ZNF469: variants seen among roughly 807,000 people sequenced by gnomAD.
ZNF469 encodes the protein zinc finger protein 469.
In ZNF469, 1 loss-of-function variant was observed where a neutral mutation model predicts 1.0. That is an observed-to-expected ratio of 1.00 (90% CI 0.35 to 4.73). ZNF469 has a LOEUF of 4.73. Ranked by LOEUF, ZNF469 falls within the 30% of genes most tolerant of loss-of-function variation. ZNF469 has a pLI of 0.16. For missense variants in ZNF469, 6,100 were observed against 5,356.3 expected, an observed-to-expected ratio of 1.14 and a Z score of -4.33; for synonymous variants, 2,703 against 2,363.4, an observed-to-expected ratio of 1.14 and a Z score of -4.17.
At chr16:88,226,565 C>T in the ZNF469 span, among the ~76,000 whole-genome samples, 2 of 152,138 alleles carry the variant, frequency 1.3e-5, no homozygotes, top group African/African-American at 4.8e-5. Context: ...TTGCAGCACC[C>T]TAGTCTGTGG....
the ZNF469 span, among the ~76,000 whole-genome samples, chr16:88,188,764 TC>T: frequency 2.0e-5 from 3 of 151,770 alleles, no homozygotes; most frequent in African/African-American, 7.3e-5. Flanking sequence ...ATGCAGACCC[TC>T]CCCCTGCCCA....
At chr16:88,230,715 T>C in the ZNF469 span, among the ~76,000 whole-genome samples, 6 of 59,180 alleles carry the variant, frequency 1.0e-4, no homozygotes, top group South Asian at 4.1e-3. Flanking sequence ...AACTGGGCTC[T>C]GAGCCTCCGG....
intron 1 of ZNF469, among the ~76,000 whole-genome samples, chr16:88,405,185 A>T (rs1418692688): frequency 1.3e-5 from 2 of 152,126 alleles, no homozygotes; most frequent in Non-Finnish European, 2.9e-5. Flanking sequence ...CAGCCACAGG[A>T]TGGGCCAGGG....
chr16:88,302,625 G>A, the ZNF469 span: 3 of 152,264 alleles, frequency 2.0e-5, no homozygotes, highest in Non-Finnish European at 4.4e-5. Flanking sequence ...TACAGAAGGC[G>A]CTCCACAGAT....
the ZNF469 span, among the ~76,000 whole-genome samples, chr16:88,368,825 AGT>A: frequency 5.9e-5 from 9 of 152,188 alleles, no homozygotes; most frequent in African/African-American, 9.7e-5. Flanking sequence ...GGCCAGGCAC[AGT>A]GGCTCATGCC....
the ZNF469 span, among the ~76,000 whole-genome samples, chr16:88,376,528 C>G: frequency 6.6e-6 from 1 of 152,238 alleles, no homozygotes; most frequent in Non-Finnish European, 1.5e-5. Flanking sequence ...CGCCCGTGAA[C>G]GGGCCCATTC....
chr16:88,177,028 C>T, the ZNF469 span, among the ~76,000 whole-genome samples: 2 of 152,200 alleles, frequency 1.3e-5, no homozygotes, highest in African/African-American at 4.8e-5. This position sits in a 1 kb window ranked among gnomAD's most constrained non-coding sequence, Gnocchi z 4.8. Flanking sequence ...AACCTCGAGG[C>T]AAAGGAGAAG....
At chr16:88,174,650 C>A in the ZNF469 span, among the ~76,000 whole-genome samples, 1 of 148,532 alleles carries the variant, frequency 6.7e-6, no homozygotes, top group Non-Finnish European at 1.5e-5. Flanking sequence ...CTCAGCCTAC[C>A]CAATGTGAAG....
the ZNF469 span, among the ~76,000 whole-genome samples, chr16:88,227,535 C>G: frequency 2.1e-5 from 3 of 144,552 alleles, no homozygotes; most frequent in Admixed American, 1.3e-4. Flanking sequence ...TCCCCATCTC[C>G]CCGTCTCCCC....
At chr16:88,335,423 G>A in the ZNF469 span, among the ~76,000 whole-genome samples, 1 of 152,244 alleles carries the variant, frequency 6.6e-6, no homozygotes, top group African/African-American at 2.4e-5. Context: ...TTCCAGGGCG[G>A]CCTTACTTCT....
the ZNF469 span, among the ~76,000 whole-genome samples, chr16:88,130,539 C>A: frequency 6.6e-6 from 1 of 152,096 alleles, no homozygotes; most frequent in African/African-American, 2.4e-5. Flanking sequence ...AACCCCGTCT[C>A]TACTAACGAT....
chr16:88,431,160 T>G lies in ZNF469; in HGVS notation c.3690T>G (p.Thr1230=), dbSNP rs1240787286. Residue 1230 remains threonine (T), a synonymous_variant, in exon 3 of 3, where the codon ACT becomes ACG. Coordinates refer to ENST00000565624, the MANE Select transcript of ZNF469 (RefSeq NM_001367624.2). ...CCCAGGAGGCCAAGGAGCCTGAAAC[T>G]GCCGAAGAGTCAGCCCCGGACAGCA... ...DFPQEAKEPE[T]AEESAPDSTE... is the part of the protein sequence containing the mutation. 1 of 1,549,778 alleles carries G rather than the reference T, an allele frequency of 6.5e-7. No homozygotes were observed. Among genetic ancestry groups the G allele is most frequent in the South Asian group, 1.2e-5 (1 of 84,056 alleles).
the ZNF469 span, among the ~76,000 whole-genome samples, chr16:88,223,103 C>T: frequency 6.6e-6 from 1 of 152,186 alleles, no homozygotes; most frequent in Non-Finnish European, 1.5e-5. Context: ...ACCCAGGTGT[C>T]CCCTAATAGG....
intron 1 of ZNF469, among the ~76,000 whole-genome samples, chr16:88,409,678 G>A (rs760241394): frequency 1.3e-5 from 2 of 152,188 alleles, no homozygotes; most frequent in African/African-American, 2.4e-5. Context: ...GAATGGAGAC[G>A]AAAAATGCAT....
rs557569932 is a variant in ZNF469, at chr16:88,431,220, C to T, written c.3750C>T (p.Ala1250=). 6.4e-7 allele frequency: 1 copy of T among 1,550,396 alleles called. No homozygotes were observed. Among genetic ancestry groups the T allele is most frequent in the South Asian group, 1.2e-5 (1 of 84,066 alleles). The change falls in exon 3 of 3, where the codon GCC becomes GCT. Residue 1250 remains alanine, a synonymous_variant. Coordinates refer to ENST00000565624, the MANE Select transcript of ZNF469 (RefSeq NM_001367624.2). ...EFTEALRSPP[A]ACAGEMGASP... is the part of the protein sequence containing the mutation. ...CAGAGGCTTTGCGTTCTCCTCCAGC[C>T]GCCTGTGCGGGAGAAATGGGAGCAA...
the ZNF469 span, among the ~76,000 whole-genome samples, chr16:88,284,211 G>A: frequency 1.3e-5 from 2 of 152,122 alleles, no homozygotes; most frequent in Non-Finnish European, 2.9e-5. Context: ...TAGACCCTGA[G>A]TGCCCAAGGT....
the ZNF469 span, among the ~76,000 whole-genome samples, chr16:88,271,259 T>C: frequency 7.5e-5 from 11 of 145,896 alleles, no homozygotes; most frequent in African/African-American, 2.7e-4. Context: ...GGAAAAGCTA[T>C]TGTGCAGAAT....
At chr16:88,180,990 G>A in the ZNF469 span, among the ~76,000 whole-genome samples, 1 of 152,030 alleles carries the variant, frequency 6.6e-6, no homozygotes, top group Non-Finnish European at 1.5e-5. Flanking sequence ...CAGTAAGGAT[G>A]TAGAACCCTG....
chr16:88,154,999 G>A, the ZNF469 span, among the ~76,000 whole-genome samples: 11 of 152,156 alleles, frequency 7.2e-5, no homozygotes, highest in Non-Finnish European at 1.2e-4. Flanking sequence ...CCACCTGTAC[G>A]GCAGACAAAA....
Sources: gnomAD v4.1 joint callset for allele counts (sites outside exome capture counted in the v4.1 genomes callset) on GRCh38, gnomAD v4.1.1 for gene constraint, Gnocchi (gnomAD v3.1) non-coding constraint, MANE v1.5 for transcripts, NCBI Gene and HGNC (gene_info 2026-07-23, HGNC 2026-07-21) for gene names.